IQGAP2: variants seen among roughly 807,000 people sequenced by gnomAD.
IQGAP2 encodes IQ motif containing GTPase activating protein 2, also known as ras GTPase-activating-like protein IQGAP2.
A neutral mutation model predicts 201.3 loss-of-function variants in IQGAP2; 173 were observed. The ratio of observed to expected loss-of-function variants is 0.86; its 90% CI spans 0.76 to 0.98. The LOEUF is 0.98. Among genes scored for constraint, IQGAP2 ranks in the 50% least tolerant of loss-of-function variants. The pLI is 0.00. For synonymous variants in IQGAP2, 675 were observed against 673.9 expected, an observed-to-expected ratio of 1.00 and a Z score of -0.03; for missense variants, 1,687 against 1,864.8, an observed-to-expected ratio of 0.90 and a Z score of 1.76.
At chr5:76,528,070 T>C (rs1759069061) in intron 2 of IQGAP2, among the ~76,000 whole-genome samples, 1 of 152,196 alleles carries the variant, frequency 6.6e-6, no homozygotes, top group Admixed American at 6.5e-5. Flanking sequence ...CCTTTTATCT[T>C]AGCGACCTTG....
At position 76,600,826 on chromosome 5, in the gene IQGAP2, C is replaced by A; in HGVS notation, c.1086C>A (p.His362Gln). ...QKQNTMNYLAHEELLIAVEML... is the reference protein window; with the variant it reads ...QKQNTMNYLAQEELLIAVEML... Reference sequence around the variant, plus strand: ...TTTTCCAACAGAACTACTTGGCCCACGAGGAGCTTTTGATTGCTGTGGAAA... The same window carrying A: ...TTTTCCAACAGAACTACTTGGCCCAAGAGGAGCTTTTGATTGCTGTGGAAA... The change falls in exon 11 of 36, where the codon CAC becomes CAA. Residue 362 changes from histidine (H) to glutamine (Q), a missense_variant. His to Gln is a conservative substitution (Grantham distance 24, BLOSUM62 0). Transcript: ENST00000274364. 6.2e-7 allele frequency: 1 copy of A among 1,614,054 alleles called. No homozygotes were observed. Among genetic ancestry groups the A allele is most frequent in the Non-Finnish European group, 8.5e-7 (1 of 1,179,966 alleles).
intron 2 of IQGAP2, among the ~76,000 whole-genome samples, chr5:76,502,924 T>G (rs1220303542): frequency 6.6e-6 from 1 of 150,538 alleles, no homozygotes; most frequent in Non-Finnish European, 1.5e-5. Context: ...TAATTCTTGG[T>G]AGAGAGAGAG....
At chr5:76,641,715 A>G (rs1751601812) in intron 17 of IQGAP2, among the ~76,000 whole-genome samples, 1 of 152,078 alleles carries the variant, frequency 6.6e-6, no homozygotes, top group Non-Finnish European at 1.5e-5. Flanking sequence ...AGCGCCCCCT[A>G]CCAGTCACCA....
intron 26 of IQGAP2, 37 bp from the exon 27 acceptor site, chr5:76,674,440 C>T (rs1744627202): frequency 8.0e-7 from 1 of 1,255,092 alleles, no homozygotes; most frequent in Non-Finnish European, 1.1e-6. Flanking sequence ...TGAGTTTTCT[C>T]TCTTAAAAAT....
At chr5:76,437,932 T>C (rs1009948126) in intron 1 of IQGAP2, among the ~76,000 whole-genome samples, 5 of 151,052 alleles carry the variant, frequency 3.3e-5, no homozygotes, top group African/African-American at 1.2e-4. Context: ...ATCTTTTTGA[T>C]GTGCCGTTGG....
intron 2 of IQGAP2, among the ~76,000 whole-genome samples, chr5:76,471,249 T>C (rs1199174281): frequency 1.3e-5 from 2 of 152,026 alleles, no homozygotes; most frequent in Non-Finnish European, 2.9e-5. Flanking sequence ...ACTGCTATTG[T>C]GTCTCCCAAG....
intron 34 of IQGAP2, among the ~76,000 whole-genome samples, chr5:76,702,100 C>T (rs558552708): frequency 3.3e-5 from 5 of 152,350 alleles, no homozygotes; most frequent in East Asian, 3.9e-4. Flanking sequence ...TGAGCGACTG[C>T]GCCTGGCCTG....
intron 20 of IQGAP2, among the ~76,000 whole-genome samples, chr5:76,656,287 A>G (rs535429480): frequency 2.8e-3 from 427 of 151,334 alleles, no homozygotes; most frequent in Non-Finnish European, 4.8e-3. Context: ...CAGTGGCGCT[A>G]TCTCCTGCCT....
At chr5:76,454,532 A>G (rs1753956597) in intron 1 of IQGAP2, among the ~76,000 whole-genome samples, 1 of 149,348 alleles carries the variant, frequency 6.7e-6, no homozygotes, top group Admixed American at 6.8e-5. Flanking sequence ...ATGAGTGAGA[A>G]CATGCGGTGT....
intron 5 of IQGAP2, among the ~76,000 whole-genome samples, chr5:76,585,020 T>A (rs1225752933): frequency 3.9e-5 from 6 of 152,170 alleles, no homozygotes; most frequent in Non-Finnish European, 8.8e-5. Context: ...GAAGGAAAAT[T>A]TGGTATAGAT....
intron 21 of IQGAP2, among the ~76,000 whole-genome samples, chr5:76,663,616 T>C (rs1743465468): frequency 6.6e-6 from 1 of 152,218 alleles, no homozygotes; most frequent in Non-Finnish European, 1.5e-5. Context: ...TGTTCACTAA[T>C]AAAAGATGGA....
At chr5:76,618,198 G>T (rs1207519990) in intron 13 of IQGAP2, 6 of 1,614,086 alleles carry the variant, frequency 3.7e-6, no homozygotes, top group Admixed American at 1.7e-5. Flanking sequence ...GAAGATGACT[G>T]TGGTGGCCCG....
intron 15 of IQGAP2, among the ~76,000 whole-genome samples, chr5:76,635,870 T>C (rs919384116): frequency 1.4e-5 from 2 of 147,178 alleles, no homozygotes; most frequent in African/African-American, 5.1e-5. Flanking sequence ...GAGAGGAGGG[T>C]AGGGGGAGGG....
At chr5:76,525,809 T>C (rs556310094) in intron 2 of IQGAP2, among the ~76,000 whole-genome samples, 1 of 152,350 alleles carries the variant, frequency 6.6e-6, no homozygotes, top group Non-Finnish European at 1.5e-5. Context: ...CAAGTTCTAG[T>C]TGTGGGACCT....
chr5:76,498,346 G>C (rs1757098191), intron 2 of IQGAP2, among the ~76,000 whole-genome samples: 1 of 152,156 alleles, frequency 6.6e-6, no homozygotes, highest in Non-Finnish European at 1.5e-5. Flanking sequence ...CAAATTGTGG[G>C]AATGTGGCAG....
chr5:76,422,842 G>T (rs10073282), intron 1 of IQGAP2, among the ~76,000 whole-genome samples: 57,953 of 152,128 alleles, frequency 0.38, 12,979 homozygotes, highest in East Asian at 0.52. Flanking sequence ...TATATGCCAG[G>T]TGCTGTTTTA....
chr5:76,524,776 T>G (rs1758873638), intron 2 of IQGAP2, among the ~76,000 whole-genome samples: 1 of 152,248 alleles, frequency 6.6e-6, no homozygotes, highest in South Asian at 2.1e-4. Context: ...AAAAGAAAGT[T>G]CACATCAATA....
intron 23 of IQGAP2, among the ~76,000 whole-genome samples, chr5:76,669,535 G>T (rs927583757): frequency 1.3e-5 from 2 of 152,166 alleles, no homozygotes; most frequent in Admixed American, 6.5e-5. Context: ...CAGGTTAGAG[G>T]ACAGGAGGAA....
chr5:76,672,365 G>A (rs1427052231), intron 24 of IQGAP2, among the ~76,000 whole-genome samples: 1 of 152,090 alleles, frequency 6.6e-6, no homozygotes, highest in African/African-American at 2.4e-5. Context: ...GCTTATTCTG[G>A]GTGGGTGGTT....
Sources: allele counts gnomAD v4.1 joint callset (sites outside exome capture counted in the v4.1 genomes callset), GRCh38; gene constraint gnomAD v4.1.1; transcripts MANE v1.5; gene names NCBI Gene and HGNC (gene_info 2026-07-23, HGNC 2026-07-21).